The following PPFIBP2 variants were observed in gnomAD, a reference collection of about 807,000 sequenced individuals.
The protein encoded by PPFIBP2 is liprin-beta-2.
In PPFIBP2, 118 loss-of-function variants were observed where a neutral mutation model predicts 118.3. The observed-to-expected ratio is 1.00, with a 90% CI of 0.86 to 1.16. PPFIBP2 has a LOEUF of 1.16. Ranked by LOEUF, PPFIBP2 falls within the 50% of genes most tolerant of loss-of-function variation. The pLI is 0.00. For synonymous variants in PPFIBP2, 414 were observed against 397.4 expected (o/e 1.04, Z -0.50); for missense variants, 1,195 against 1,073.1 (o/e 1.11, Z -1.59).
At chr11:7,660,891 G>A (rs932328361), downstream of PPFIBP2, among the ~76,000 whole-genome samples, 2 of 151,712 alleles carry the variant, frequency 1.3e-5, no homozygotes, top group African/African-American at 2.4e-5. Context: ...TGTATGTGTC[G>A]AGGAATTTAT....
chr11:7,648,687 A>G (rs1318665079), intron 18 of PPFIBP2, 113 bp from the exon 19 acceptor site: 4 of 1,431,988 alleles, frequency 2.8e-6, no homozygotes, highest in Non-Finnish European at 3.9e-6. Context: ...ATCCCAGGGC[A>G]CGGTGTGGAG....
At position 7,588,877 on chromosome 11, in the gene PPFIBP2, A is replaced by G. The variant is rs528581052; in HGVS notation, c.280-4255A>G. On this transcript the variant is annotated intron_variant, in intron 3 of 23. Transcript: ENST00000299492. The stretch of plus-strand genomic sequence containing the variant: ...TGATATAGGAGAGGTAGTATGTTTC[A>G]CTGTGGCATTCTTTAGTCAAAATTG... Among the ~76,000 whole-genome samples the G allele has an allele frequency of 3.6e-4, 55 of 152,310 alleles. 1 individual carries two copies. The South Asian group carries it at 0.011, about 30-fold the overall frequency.
At chr11:7,515,435 A>T (rs1452396013) in intron 1 of PPFIBP2, among the ~76,000 whole-genome samples, 2 of 152,220 alleles carry the variant, frequency 1.3e-5, no homozygotes, top group African/African-American at 4.8e-5. Context: ...GAATGAGATC[A>T]ATGACATGAA....
chr11:7,627,484 C>G (rs1455890554), intron 8 of PPFIBP2, among the ~76,000 whole-genome samples: 1 of 151,620 alleles, frequency 6.6e-6, no homozygotes, highest in African/African-American at 2.4e-5. Flanking sequence ...CATCCCTATT[C>G]CCATTTAGGA....
intron 1 of PPFIBP2, among the ~76,000 whole-genome samples, chr11:7,531,696 T>A (rs1484344261): frequency 6.6e-6 from 1 of 152,170 alleles, no homozygotes; most frequent in Non-Finnish European, 1.5e-5. Flanking sequence ...TTGCTTGGGC[T>A]GCCATAACAA....
intron 1 of PPFIBP2, among the ~76,000 whole-genome samples, chr11:7,527,995 G>C (rs540296286): frequency 6.6e-6 from 1 of 152,270 alleles, no homozygotes; most frequent in African/African-American, 2.4e-5. Context: ...GAGGAAATGG[G>C]CTTCAAGAAG....
chr11:7,616,420 A>G lies in PPFIBP2; in HGVS notation c.619-4515A>G, dbSNP rs1848654979. On this transcript the variant is annotated intron_variant, in intron 6 of 23. Coordinates refer to ENST00000299492, the MANE Select transcript of PPFIBP2 (RefSeq NM_003621.5). The surrounding 1 kb of genome is among the most constrained non-coding windows in gnomAD (Gnocchi z 5.2). Reference sequence around the variant, plus strand: ...GGCCAACTCTATGATGGTTTGCAAGAAGGGAGGAGACAAAGTAGGGATCCG... The same window carrying G: ...GGCCAACTCTATGATGGTTTGCAAGGAGGGAGGAGACAAAGTAGGGATCCG... 6.6e-6 allele frequency among the ~76,000 whole-genome samples: 1 copy of G among 152,180 alleles called. No homozygotes were observed.
intron 7 of PPFIBP2, among the ~76,000 whole-genome samples, chr11:7,623,296 C>G (rs1168035564): frequency 6.6e-6 from 1 of 152,172 alleles, no homozygotes; most frequent in African/African-American, 2.4e-5. Context: ...ACAGCACTTG[C>G]AGGGACCCAG....
At chr11:7,661,205 G>T (rs1854883473), downstream of PPFIBP2, among the ~76,000 whole-genome samples, 1 of 147,886 alleles carries the variant, frequency 6.8e-6, no homozygotes, top group East Asian at 2.0e-4. Context: ...GAATATGTTT[G>T]CTCTTGCTTT....
chr11:7,516,704 T>G (rs1417545916), intron 1 of PPFIBP2, among the ~76,000 whole-genome samples: 1 of 152,168 alleles, frequency 6.6e-6, no homozygotes, highest in Non-Finnish European at 1.5e-5. Context: ...TTCTGCACAG[T>G]ACCCAGACGG....
intron 1 of PPFIBP2, among the ~76,000 whole-genome samples, chr11:7,530,355 T>G (rs1850583694): frequency 6.6e-6 from 1 of 152,254 alleles, no homozygotes; most frequent in African/African-American, 2.4e-5. Flanking sequence ...CAAATCTGTC[T>G]GACTTTGCTA....
intron 7 of PPFIBP2, among the ~76,000 whole-genome samples, chr11:7,623,608 C>T (rs1165921049): frequency 6.6e-6 from 1 of 152,186 alleles, no homozygotes; most frequent in Non-Finnish European, 1.5e-5. Flanking sequence ...AGGCAGGGCT[C>T]AGGAAGGAGA....
intron 8 of PPFIBP2, among the ~76,000 whole-genome samples, chr11:7,626,588 A>G (rs529118888): frequency 1.3e-5 from 2 of 152,380 alleles, no homozygotes; most frequent in African/African-American, 4.8e-5. Flanking sequence ...TAGGATCCTA[A>G]GAAATACTTC....
intron 3 of PPFIBP2, among the ~76,000 whole-genome samples, chr11:7,570,058 A>G (rs1855483153): frequency 6.6e-6 from 1 of 152,206 alleles, no homozygotes; most frequent in African/African-American, 2.4e-5. Flanking sequence ...ACCCGGTACA[A>G]CTGTGACCAC....
intron 20 of PPFIBP2, 69 bp from the exon 21 acceptor site, chr11:7,649,463 G>C (rs781001068): frequency 9.4e-6 from 15 of 1,590,836 alleles, no homozygotes; most frequent in Non-Finnish European, 1.0e-5. Flanking sequence ...GCTTGGTCTG[G>C]TGAGGGACAT....
chr11:7,651,227 G>A (rs1335415304), intron 22 of PPFIBP2: 3 of 368,352 alleles, frequency 8.1e-6, no homozygotes, highest in South Asian at 5.0e-5. Context: ...GGAGACCAAC[G>A]CTTACAAGGC....
chr11:7,651,464 A>G, intron 22 of PPFIBP2, 192 bp from the exon 23 acceptor site: 1 of 532,742 alleles, frequency 1.9e-6, no homozygotes, highest in Non-Finnish European at 3.3e-6. Context: ...GTCAGTCAGC[A>G]CATGTGCTAG....
At chr11:7,644,956 G>A (rs1237382706) in intron 17 of PPFIBP2, among the ~76,000 whole-genome samples, 2 of 142,684 alleles carry the variant, frequency 1.4e-5, no homozygotes, top group African/African-American at 2.7e-5. Flanking sequence ...GAACCCGGGA[G>A]GCGGAGCTTG....
chr11:7,551,206 G>A (rs1320126632), intron 2 of PPFIBP2, among the ~76,000 whole-genome samples: 2 of 152,016 alleles, frequency 1.3e-5, no homozygotes, highest in East Asian at 3.9e-4. Context: ...GAGCTCCTCG[G>A]GGTCTCACGT....
Sources: allele counts gnomAD v4.1 joint callset (sites outside exome capture counted in the v4.1 genomes callset), GRCh38; gene constraint gnomAD v4.1.1; non-coding constraint Gnocchi (gnomAD v3.1); transcripts MANE v1.5; gene names NCBI Gene and HGNC (gene_info 2026-07-23, HGNC 2026-07-21).